The following FAM167A variants were observed in gnomAD, a reference collection of about 807,000 sequenced individuals.
The protein encoded by FAM167A is protein FAM167A.
Under a neutral mutation model 14.9 loss-of-function variants are expected in FAM167A, and 23 were observed. That is an observed-to-expected ratio of 1.55 (90% CI 1.11 to 2.19). The LOEUF is 2.19. Ranked by LOEUF, FAM167A falls within the 30% of genes most tolerant of loss-of-function variation. FAM167A has a pLI of 0.00. For missense variants in FAM167A, 401 were observed against 281.5 expected (o/e 1.42, Z -3.04); for synonymous variants, 174 against 117.7 (o/e 1.48, Z -3.10).
intron 1 of FAM167A, among the ~76,000 whole-genome samples, chr8:11,462,418 G>A (rs924917105): frequency 6.6e-6 from 1 of 152,204 alleles, no homozygotes; most frequent in Admixed American, 6.5e-5. Flanking sequence ...AAGTTTACGT[G>A]AATTTTTAGT....
At chr8:11,441,512 G>A (rs1481059380) in intron 2 of FAM167A, among the ~76,000 whole-genome samples, 6 of 152,220 alleles carry the variant, frequency 3.9e-5, no homozygotes, top group African/African-American at 1.2e-4. Flanking sequence ...ATCCTGTGAT[G>A]AGGATGATTT....
chr8:11,439,334 C>T (rs138332297), intron 2 of FAM167A, among the ~76,000 whole-genome samples: 3,306 of 152,372 alleles, frequency 0.022, 49 homozygotes, highest in Middle Eastern at 0.068. Flanking sequence ...TGAGTATGAC[C>T]TGCCATTTGG....
rs139289391 is a variant in FAM167A, at chr8:11,465,692, G to A, written c.-398+934C>T. On this transcript the variant is annotated intron_variant, in intron 1 of 2. Transcript: ENST00000284486. ...CCACGCTCCATCCCGAGCTTAGTGA[G>A]GGGCAGGACTGTGTCTACTGTGTCA... Among the ~76,000 whole-genome samples the A allele has an allele frequency of 1.6e-3, 238 of 152,326 alleles. 1 individual carries two copies. Among genetic ancestry groups the A allele is most frequent in the African/African-American group, 5.4e-3 (223 of 41,574 alleles).
In FAM167A at chr8:11,474,128, G is replaced by A. The variant is rs1356614921; in HGVS notation, c.-398+1738C>T. Reference sequence around the variant, plus strand: ...GACCTCAGGTGATCCGCCTGCCTTGGCCTCCCAAAGTGCTGGGATTACAGG... The same window carrying A: ...GACCTCAGGTGATCCGCCTGCCTTGACCTCCCAAAGTGCTGGGATTACAGG... On this transcript the variant is annotated intron_variant, in intron 1 of 1. Coordinates refer to the FAM167A transcript ENST00000648766. 3.3e-5 allele frequency among the ~76,000 whole-genome samples: 5 copies of A among 152,316 alleles called. No homozygotes were observed. The East Asian group carries it at 5.8e-4, about 18-fold the overall frequency.
chr8:11,462,670 C>G (rs1356281430), intron 1 of FAM167A, among the ~76,000 whole-genome samples: 3 of 152,164 alleles, frequency 2.0e-5, no homozygotes, highest in Non-Finnish European at 4.4e-5. Flanking sequence ...ATCCTAAACT[C>G]CTTTGCAGAG....
chr8:11,467,288 T>G (rs1463789803), upstream of FAM167A, among the ~76,000 whole-genome samples: 3 of 152,246 alleles, frequency 2.0e-5, no homozygotes, highest in Non-Finnish European at 4.4e-5. Context: ...AACCACAGGG[T>G]GTCTGTCCCG....
At position 11,444,309 on chromosome 8, in the gene FAM167A, C is replaced by T. The variant is rs373958877; in HGVS notation, c.103G>A (p.Glu35Lys). 14 of 1,612,104 alleles carry T rather than the reference C, an allele frequency of 8.7e-6. No homozygotes were observed. Among genetic ancestry groups the T allele is most frequent in the South Asian group, 3.3e-5 (3 of 91,038 alleles). Residue 35 changes from glutamate to lysine, a missense_variant, in exon 2 of 3, where the codon GAG becomes AAG. Transcript: ENST00000284486. ...DHLRSLKALT[E>K]KLRLETRRPS... ...CTGCGGGTCTCCAGCCTCAGTTTCT[C>T]GGTGAGGGCCTTCAGGCTCCGGAGG...
chr8:11,424,790 C>G (rs1563354687), intron 2 of FAM167A, among the ~76,000 whole-genome samples, 154 bp from the exon 3 acceptor site: 1 of 152,188 alleles, frequency 6.6e-6, no homozygotes, highest in East Asian at 1.9e-4. Flanking sequence ...GGTGAAAAGA[C>G]ACAGAAAGCA....
intron 1 of FAM167A, among the ~76,000 whole-genome samples, chr8:11,475,369 A>T (rs1218132391): frequency 6.6e-6 from 1 of 152,176 alleles, no homozygotes; most frequent in African/African-American, 2.4e-5. Flanking sequence ...TGGCAATTGC[A>T]AATACTTTAG....
chr8:11,441,096 T>A (rs778363774), intron 2 of FAM167A, among the ~76,000 whole-genome samples: 1 of 152,208 alleles, frequency 6.6e-6, no homozygotes, highest in Non-Finnish European at 1.5e-5. Context: ...GTGTCTGGTG[T>A]ACTTTGGGCC....
At chr8:11,446,823 C>T (rs576747866) in intron 1 of FAM167A, among the ~76,000 whole-genome samples, 147 of 152,350 alleles carry the variant, frequency 9.6e-4, no homozygotes, top group African/African-American at 3.1e-3. Flanking sequence ...CCCTCCCAGG[C>T]GCCGTCTGCC....
chr8:11,455,977 G>A (rs1323353084), intron 1 of FAM167A, among the ~76,000 whole-genome samples: 1 of 145,474 alleles, frequency 6.9e-6, no homozygotes, highest in African/African-American at 2.6e-5. Context: ...GTGAGTGTGG[G>A]GGGTGGTTGC....
Position 11,443,960 on chromosome 8 carries a change from G to C in FAM167A, c.381+71C>G, listed in dbSNP as rs971808168. The C allele has an allele frequency of 9.2e-6, 14 of 1,527,580 alleles. No individual in the cohort carries two copies. In the African/African-American group the frequency reaches 1.1e-4, roughly 12 times the overall value. 94.6% of individuals were successfully genotyped at this position (1,527,580 alleles called of 1,614,324 possible). ...GTGGGGGTGGGGAGACAGACAGAGA[G>C]AGACAGAAAAAGACACAGAGAGACG... On this transcript the variant is annotated intron_variant, in intron 2 of 2. Transcript: ENST00000284486.
Position 11,444,193 on chromosome 8 carries a change from C to A in FAM167A, c.219G>T (p.Glu73Asp). ...PAAEPQASLE[E>D]GERGGQEPLL... The stretch of plus-strand genomic sequence containing the variant: ...AGGGCTCCTGCCCCCCACGCTCCCC[C>A]TCCTCCAAGCTCGCCTGTGGCTCCG... Residue 73 changes from glutamate to aspartate, a missense_variant, in exon 2 of 3, where the codon GAG (glutamate) becomes GAT (aspartate). Physicochemically the swap from Glu to Asp is conservative, Grantham distance 45 (BLOSUM62 2). Transcript: ENST00000284486. The A allele has an allele frequency of 1.2e-6, 2 of 1,613,052 alleles. No homozygotes were observed. Among genetic ancestry groups the A allele is most frequent in the Middle Eastern group, 1.7e-4 (1 of 6,052 alleles).
intron 1 of FAM167A, among the ~76,000 whole-genome samples, chr8:11,458,954 G>A (rs1227503925): frequency 2.0e-5 from 3 of 152,246 alleles, no homozygotes; most frequent in African/African-American, 4.8e-5. Flanking sequence ...GGCTTCAGGA[G>A]GGCGAATTCG....
rs748615997 is a variant in FAM167A, at chr8:11,431,893, CAAAA to C, written c.382-7261_382-7258del. Among the ~76,000 whole-genome samples the C allele has an allele frequency of 1.4e-3, 22 of 15,636 alleles. 1 individual carries two copies. The South Asian group carries it at 0.036, about 25-fold the overall frequency. 10.3% of individuals were successfully genotyped at this position (15,636 alleles called of 152,430 possible). A position where few individuals can be genotyped will look rare whatever the true frequency, so the allele number is the denominator to read the frequency against. On this transcript the variant is annotated intron_variant, in intron 2 of 2. Coordinates refer to ENST00000284486, the MANE Select transcript of FAM167A (RefSeq NM_053279.3). ...AGAAGGAGGGTACTGGACCAATTGG[CAAAA>C]AAAAAAAAAAAAAAAAAAAAAAGGA...
chr8:11,462,214 G>C (rs762023923), intron 1 of FAM167A, among the ~76,000 whole-genome samples: 1 of 152,380 alleles, frequency 6.6e-6, no homozygotes, highest in Middle Eastern at 3.4e-3. Flanking sequence ...AGGAGCAGGA[G>C]AAAGGGATGG....
intron 2 of FAM167A, among the ~76,000 whole-genome samples, chr8:11,426,799 A>G (rs1007597605): frequency 6.6e-6 from 1 of 152,202 alleles, no homozygotes; most frequent in Non-Finnish European, 1.5e-5. Flanking sequence ...TGTTTAGGGT[A>G]GAGGAAAAGT....
intron 1 of FAM167A, among the ~76,000 whole-genome samples, chr8:11,449,307 T>C (rs1032895255): frequency 6.6e-6 from 1 of 152,288 alleles, no homozygotes; most frequent in East Asian, 1.9e-4. Context: ...GAAAAGCTTG[T>C]CACTGCTCAC....
Sources: gnomAD v4.1 joint callset for allele counts (sites outside exome capture counted in the v4.1 genomes callset) on GRCh38, gnomAD v4.1.1 for gene constraint, MANE v1.5 for transcripts, NCBI Gene and HGNC (gene_info 2026-07-23, HGNC 2026-07-21) for gene names.